The following SMC1B variants were observed in gnomAD, a reference collection of about 807,000 sequenced individuals.
The protein encoded by SMC1B is structural maintenance of chromosomes protein 1B.
Under a neutral mutation model 157.9 loss-of-function variants are expected in SMC1B, and 60 were observed. The observed-to-expected ratio is 0.38, with a 90% confidence interval of 0.31 to 0.47. The LOEUF is 0.47. Ranked by LOEUF, SMC1B falls within the 20% of genes least tolerant of loss-of-function variation. SMC1B has a pLI of 0.99. For missense variants in SMC1B, 1,165 were observed against 1,426.2 expected, an observed-to-expected ratio of 0.82 and a Z score of 2.95; for synonymous variants, 445 against 483.0, an observed-to-expected ratio of 0.92 and a Z score of 1.03.
intron 19 of SMC1B, among the ~76,000 whole-genome samples, chr22:45,358,258 G>A (rs2086688200): frequency 6.6e-6 from 1 of 152,136 alleles, no homozygotes; most frequent in African/African-American, 2.4e-5. Flanking sequence ...GTATTCCCCT[G>A]AGTTCTATGA....
chr22:45,369,782 G>C, intron 15 of SMC1B, 172 bp downstream of exon 15: 1 of 448,048 alleles, frequency 2.2e-6, no homozygotes, highest in South Asian at 2.8e-5. Flanking sequence ...CTGACCTCGT[G>C]ATCCGCCTGC....
At chr22:45,390,925 A>G (rs1421647127) in intron 9 of SMC1B, among the ~76,000 whole-genome samples, 2 of 152,110 alleles carry the variant, frequency 1.3e-5, no homozygotes, top group Admixed American at 6.6e-5. Flanking sequence ...CAAGAATACC[A>G]TTTTCCTATG....
chr22:45,353,845 G>T, intron 21 of SMC1B, 133 bp downstream of exon 21: 2 of 664,356 alleles, frequency 3.0e-6, no homozygotes, highest in African/African-American at 2.3e-5. Context: ...AACTGACTTT[G>T]CCCCATGAGT....
intron 1 of SMC1B, among the ~76,000 whole-genome samples, chr22:45,410,703 A>G (rs1321316799): frequency 6.6e-6 from 1 of 152,204 alleles, no homozygotes; most frequent in African/African-American, 2.4e-5. Flanking sequence ...ACTCCATCTC[A>G]AGACAAAAGA....
intron 14 of SMC1B, among the ~76,000 whole-genome samples, chr22:45,370,457 A>G (rs2086820354): frequency 6.6e-6 from 1 of 152,234 alleles, no homozygotes; most frequent in African/African-American, 2.4e-5. Flanking sequence ...GGGGCATAGA[A>G]TTAAGAATGA....
intron 14 of SMC1B, 30 bp downstream of exon 14, chr22:45,371,441 C>T: frequency 1.3e-6 from 2 of 1,555,106 alleles, no homozygotes; most frequent in South Asian, 1.3e-5. Flanking sequence ...ACTACATATA[C>T]CATTTAGGAA....
intron 2 of SMC1B, 66 bp downstream of exon 2, chr22:45,408,644 A>G: frequency 2.6e-6 from 3 of 1,153,376 alleles, no homozygotes; most frequent in Non-Finnish European, 3.7e-6. Flanking sequence ...CCTCCAAAGA[A>G]AGAAAAAATG....
chr22:45,413,552 G>C lies in SMC1B; in HGVS notation c.16C>G (p.Leu6Val). 2 of 1,609,244 alleles carry C rather than the reference G, an allele frequency of 1.2e-6. No individual in the cohort carries two copies. The highest frequency in any genetic ancestry group is 1.7e-6 in the Non-Finnish European group (2 of 1,177,790). Residue 6 changes from leucine (L) to valine (V), a missense_variant, in exon 1 of 25, where the codon CTG becomes GTG. By Grantham distance (32) the Leu-to-Val change is conservative. Coordinates refer to ENST00000357450, the MANE Select transcript of SMC1B (RefSeq NM_148674.5). ...GACTTGAAATTTTCCACAAGCAGCA[G>C]CTCCAGGTGGGCCATGGCGCCGCCC... MAHLE[L>V]LLVENFKSWR...
intron 5 of SMC1B, 142 bp from the exon 6 acceptor site, chr22:45,399,495 A>C: frequency 1.3e-6 from 1 of 784,792 alleles, no homozygotes; most frequent in Non-Finnish European, 2.0e-6. Context: ...AATGGTTGCC[A>C]AAGGTTGAGC....
chr22:45,348,535 C>T (rs188632600), intron 23 of SMC1B, among the ~76,000 whole-genome samples: 1 of 152,218 alleles, frequency 6.6e-6, no homozygotes, highest in East Asian at 1.9e-4. Context: ...TTCTCTAATT[C>T]CCAATATCTA....
rs143576672 is a variant in SMC1B at position 45,396,598 on chromosome 22, T to C, written c.1114-112A>G. ...AATTAATCTTCCCAAAAGCTTGCTT[T>C]ATATAAATTAAATCATAATCGACCA... On this transcript the variant is annotated intron_variant, in intron 6 of 24. Transcript: ENST00000357450. 1.8e-3 allele frequency: 1,491 copies of C among 835,126 alleles called. 7 individuals are homozygous for C. In the African/African-American group the frequency reaches 0.018, roughly 10 times the overall value. The allele number at this position is 835,126 out of a possible 1,614,324, so 51.7% of individuals were successfully genotyped here.
At chr22:45,392,081 G>C (rs1432219718) in intron 9 of SMC1B, among the ~76,000 whole-genome samples, 2 of 152,072 alleles carry the variant, frequency 1.3e-5, no homozygotes, top group African/African-American at 4.8e-5. Context: ...CAAGTAGCTG[G>C]GATTATAGGC....
intron 17 of SMC1B, among the ~76,000 whole-genome samples, chr22:45,360,262 C>A (rs1438077191): frequency 6.6e-6 from 1 of 152,076 alleles, no homozygotes; most frequent in Non-Finnish European, 1.5e-5. Flanking sequence ...GACCTCAAAC[C>A]AAGATAAACA....
intron 1 of SMC1B, among the ~76,000 whole-genome samples, chr22:45,412,526 A>G (rs1173012863): frequency 8.0e-5 from 4 of 49,766 alleles, no homozygotes; most frequent in Admixed American, 6.3e-4. Context: ...TTTTTTTTTG[A>G]GACGAGAGTC....
At chr22:45,367,875 GT>G (rs2086791417) in intron 15 of SMC1B, among the ~76,000 whole-genome samples, 1 of 152,244 alleles carries the variant, frequency 6.6e-6, no homozygotes, top group East Asian at 1.9e-4. Flanking sequence ...TCTCATTCTT[GT>G]TTTTGAATTC....
chr22:45,353,611 C>G (rs190201958), intron 21 of SMC1B, among the ~76,000 whole-genome samples: 7 of 152,146 alleles, frequency 4.6e-5, no homozygotes, highest in Admixed American at 3.3e-4. Flanking sequence ...TCCCAGGATC[C>G]TCTATTATTC....
At chr22:45,377,531 G>T (rs938094623) in intron 12 of SMC1B, among the ~76,000 whole-genome samples, 1 of 151,640 alleles carries the variant, frequency 6.6e-6, no homozygotes, top group Non-Finnish European at 1.5e-5. Context: ...CCAGCTACTC[G>T]GCAGGCTGAG....
chr22:45,347,491 A>C (rs951910014), intron 23 of SMC1B, among the ~76,000 whole-genome samples: 47 of 152,372 alleles, frequency 3.1e-4, no homozygotes, highest in African/African-American at 1.1e-3. Flanking sequence ...CAAGGAGGTC[A>C]GCTTCAGAGG....
intron 15 of SMC1B, among the ~76,000 whole-genome samples, chr22:45,366,218 T>A (rs961479050): frequency 6.6e-6 from 1 of 152,144 alleles, no homozygotes; most frequent in African/African-American, 2.4e-5. Context: ...GAGATGATGT[T>A]TCGCCATGTT....
Sources: gnomAD v4.1 joint callset for allele counts (sites outside exome capture counted in the v4.1 genomes callset) on GRCh38, gnomAD v4.1.1 for gene constraint, MANE v1.5 for transcripts, NCBI Gene and HGNC (gene_info 2026-07-23, HGNC 2026-07-21) for gene names.